The following RBFOX1 variants were observed in gnomAD, a reference collection of about 807,000 sequenced individuals.
RBFOX1 encodes RNA binding fox-1 homolog 1.
A neutral mutation model predicts 57.7 loss-of-function variants in RBFOX1; 8 were observed. That is an observed-to-expected ratio of 0.14 (90% CI 0.08 to 0.25). RBFOX1 has a LOEUF of 0.25. Ranked by LOEUF, RBFOX1 falls within the 10% of genes least tolerant of loss-of-function variation. The pLI is 1.00. For missense variants in RBFOX1, 611 were observed against 548.5 expected (o/e 1.11, Z -1.14); for synonymous variants, 326 against 222.4 (o/e 1.47, Z -4.15).
At chr16:7,694,238 A>G (rs187217705) in intron 14 of RBFOX1, among the ~76,000 whole-genome samples, 2 of 152,338 alleles carry the variant, frequency 1.3e-5, no homozygotes, top group African/African-American at 4.8e-5. Flanking sequence ...TTATCACTAC[A>G]TAACTGAGCA....
intron 2 of RBFOX1, among the ~76,000 whole-genome samples, chr16:6,520,308 G>A (rs964908590): frequency 6.6e-6 from 1 of 152,168 alleles, no homozygotes; most frequent in South Asian, 2.1e-4. Flanking sequence ...TAGACAATGA[G>A]TTGTTTATAG....
intron 2 of RBFOX1, among the ~76,000 whole-genome samples, chr16:5,467,829 C>CA (rs1480354611): frequency 8.5e-5 from 13 of 152,208 alleles, no homozygotes; most frequent in African/African-American, 2.7e-4. Flanking sequence ...ATGTTGTATC[C>CA]ACTCTTCAAT....
At chr16:5,910,265 C>T (rs1597749649) in intron 4 of RBFOX1, among the ~76,000 whole-genome samples, 1 of 152,030 alleles carries the variant, frequency 6.6e-6, no homozygotes, top group African/African-American at 2.4e-5. Flanking sequence ...TCAGGCCAGT[C>T]TCAGGGAGAA....
At chr16:5,332,046 C>G (rs1248992070) in intron 1 of RBFOX1, among the ~76,000 whole-genome samples, 3 of 152,224 alleles carry the variant, frequency 2.0e-5, no homozygotes, top group Non-Finnish European at 4.4e-5. Context: ...TCAGGGCCAG[C>G]TTTAATCATA....
At chr16:6,057,338 T>A (rs1439236894) in intron 1 of RBFOX1, among the ~76,000 whole-genome samples, 1 of 152,138 alleles carries the variant, frequency 6.6e-6, no homozygotes, top group Non-Finnish European at 1.5e-5. Context: ...ATCATGCAAC[T>A]GTTTATTAAT....
chr16:7,339,753 T>C (rs75485853), intron 4 of RBFOX1, among the ~76,000 whole-genome samples: 1 of 152,214 alleles, frequency 6.6e-6, no homozygotes, highest in Non-Finnish European at 1.5e-5. Context: ...AAGATATTTG[T>C]TAAGAATTCT....
intron 2 of RBFOX1, among the ~76,000 whole-genome samples, chr16:5,477,935 T>C (rs2069388402): frequency 6.6e-6 from 1 of 152,178 alleles, no homozygotes; most frequent in South Asian, 2.1e-4. Flanking sequence ...CAGCCCCAAA[T>C]GCAGTTCTCC....
intron 4 of RBFOX1, among the ~76,000 whole-genome samples, chr16:7,421,700 C>T (rs1176934720): frequency 6.6e-6 from 1 of 152,242 alleles, no homozygotes; most frequent in Non-Finnish European, 1.5e-5. Flanking sequence ...TGGCCTTTGC[C>T]AAAGGGCAGT....
chr16:6,251,961 C>T (rs766290178), intron 1 of RBFOX1, among the ~76,000 whole-genome samples: 34 of 152,080 alleles, frequency 2.2e-4, no homozygotes, highest in Admixed American at 7.9e-4. Flanking sequence ...TCTGATCCAA[C>T]CAATTCTGTA....
chr16:6,978,631 G>A (rs1243250698), intron 3 of RBFOX1, among the ~76,000 whole-genome samples: 5 of 152,102 alleles, frequency 3.3e-5, no homozygotes, highest in African/African-American at 4.8e-5. Context: ...TCTTGTAATC[G>A]TTTTAATGTC....
At chr16:6,796,222 T>A (rs914638134) in intron 3 of RBFOX1, among the ~76,000 whole-genome samples, 1 of 152,120 alleles carries the variant, frequency 6.6e-6, no homozygotes, top group Non-Finnish European at 1.5e-5. Flanking sequence ...AAGAGACTTA[T>A]TCACTATGAA....
At chr16:6,572,289 A>G (rs978457688) in intron 2 of RBFOX1, among the ~76,000 whole-genome samples, 1 of 152,062 alleles carries the variant, frequency 6.6e-6, no homozygotes, top group African/African-American at 2.4e-5. Context: ...TAAACCCATG[A>G]CTCTTCCAAG....
intron 4 of RBFOX1, among the ~76,000 whole-genome samples, chr16:7,289,729 G>T (rs1412957786): frequency 3.9e-5 from 6 of 152,094 alleles, no homozygotes; most frequent in African/African-American, 1.4e-4. Context: ...GTGCTAAGGG[G>T]TTGCACCAAG....
intron 1 of RBFOX1, among the ~76,000 whole-genome samples, chr16:5,354,370 C>T (rs1344732700): frequency 6.6e-6 from 1 of 152,142 alleles, no homozygotes; most frequent in Non-Finnish European, 1.5e-5. Flanking sequence ...GAAAGACAGA[C>T]CGACTTGAAT....
chr16:6,703,362 C>T (rs941099954), intron 3 of RBFOX1, among the ~76,000 whole-genome samples: 1 of 151,840 alleles, frequency 6.6e-6, no homozygotes, highest in African/African-American at 2.4e-5. Context: ...TTGCTTGAGC[C>T]CAGGGGTTTG....
At chr16:7,410,110 G>A (rs1020668695) in intron 4 of RBFOX1, among the ~76,000 whole-genome samples, 1 of 152,182 alleles carries the variant, frequency 6.6e-6, no homozygotes, top group African/African-American at 2.4e-5. Flanking sequence ...ATAGGAAATT[G>A]CTGTCATTTG....
intron 1 of RBFOX1, among the ~76,000 whole-genome samples, chr16:5,331,705 G>T (rs957616378): frequency 5.3e-5 from 8 of 152,274 alleles, no homozygotes; most frequent in Non-Finnish European, 7.3e-5. Flanking sequence ...GGGTATGGCT[G>T]CAGAATGCAG....
intron 3 of RBFOX1, among the ~76,000 whole-genome samples, chr16:7,044,862 C>T (rs893677288): frequency 1.3e-5 from 2 of 152,142 alleles, no homozygotes; most frequent in African/African-American, 4.8e-5. Context: ...CCTCCCCTCT[C>T]CCCACCCGGA....
At chr16:5,387,939 T>G (rs931998880) in intron 1 of RBFOX1, among the ~76,000 whole-genome samples, 1 of 152,092 alleles carries the variant, frequency 6.6e-6, no homozygotes, top group South Asian at 2.1e-4. Context: ...AGAAACTCCG[T>G]GGTCTACTTT....
Sources: allele counts gnomAD v4.1 joint callset (sites outside exome capture counted in the v4.1 genomes callset), GRCh38; gene constraint gnomAD v4.1.1; transcripts MANE v1.5; gene names NCBI Gene and HGNC (gene_info 2026-07-23, HGNC 2026-07-21).